Variants in CPLANE1 observed in about 807,000 individuals in gnomAD.
CPLANE1 encodes ciliogenesis and planar polarity effector complex subunit 1.
In CPLANE1, 263 loss-of-function variants were observed where a neutral mutation model predicts 362.5. That is an observed-to-expected ratio of 0.73 (90% confidence interval 0.66 to 0.80). The LOEUF (loss-of-function observed/expected upper bound fraction) is 0.80, where lower values mean the gene tolerates loss of function less well. Ranked by LOEUF, CPLANE1 falls within the 30% of genes least tolerant of loss-of-function variation. The probability of loss-of-function intolerance (pLI) is 0.00; values close to 1 mark genes in which losing one functional copy is unlikely to be tolerated. For missense variants in CPLANE1, 3,461 were observed against 3,793.4 expected (o/e 0.91, Z 2.30); for synonymous variants, 1,212 against 1,302.6 (o/e 0.93, Z 1.50).
chr5:37,187,818 A>G lies in CPLANE1; in HGVS notation c.3836T>C (p.Leu1279Pro). The G allele has an allele frequency of 6.2e-7, 1 of 1,613,268 alleles. No individual in the cohort carries two copies. Among genetic ancestry groups the G allele is most frequent in the Non-Finnish European group, 8.5e-7 (1 of 1,179,522 alleles). Residue 1279 changes from leucine (L) to proline (P), a missense_variant, in exon 22 of 53, where the codon CTG becomes CCG. By Grantham distance (98) the Leu-to-Pro change is moderately conservative (BLOSUM62 -3). This residue lies in a region of CPLANE1 where 3,380 missense variants were observed against 3,666.1 expected (regional missense o/e 0.92). Coordinates refer to ENST00000651892, the MANE Select transcript of CPLANE1 (RefSeq NM_001384732.1). ...ATCACGGACATGCAGCATCCAACAC[A>G]GAGCACAAAGTTCTCTGAAGCAACC... Reference protein sequence around the residue: ...AIGCFRELCALCWMLHVRDKL... With the variant: ...AIGCFRELCAPCWMLHVRDKL...
chr5:37,210,024 T>C, intron 16 of CPLANE1: 1 of 832,452 alleles, frequency 1.2e-6, no homozygotes, highest in Non-Finnish European at 2.0e-6. Context: ...AAAGTTGAAG[T>C]TTTTTAAAGA....
At chr5:37,210,999 T>C (rs186557357) in intron 16 of CPLANE1, 24 of 792,768 alleles carry the variant, frequency 3.0e-5, no homozygotes, top group Admixed American at 1.4e-4. Flanking sequence ...AAAATCGCAA[T>C]TGAAGCAAAC....
At chr5:37,121,915 T>C (rs1762763297) in intron 48 of CPLANE1, 131 bp from the exon 49 acceptor site, 1 of 711,962 alleles carries the variant, frequency 1.4e-6, no homozygotes, top group African/African-American at 1.8e-5. Context: ...GTTTCACTCT[T>C]GTCACCCAGG....
At position 37,187,819 on chromosome 5, in the gene CPLANE1, G is replaced by A. The variant is rs1784469124; in HGVS notation, c.3835C>T (p.Leu1279=). The A allele has an allele frequency of 6.2e-7, 1 of 1,612,904 alleles. No homozygotes were observed. The highest frequency in any genetic ancestry group is 1.1e-5 in the South Asian group (1 of 90,798). Reference sequence around the variant, plus strand: ...TCACGGACATGCAGCATCCAACACAGAGCACAAAGTTCTCTGAAGCAACCT... The same window carrying A: ...TCACGGACATGCAGCATCCAACACAAAGCACAAAGTTCTCTGAAGCAACCT... The part of the protein sequence containing the change: ...AIGCFRELCA[L]CWMLHVRDKL... The change falls in exon 22 of 53, where the codon CTG becomes TTG. Residue 1279 remains leucine (L), a synonymous_variant. Coordinates refer to ENST00000651892, the MANE Select transcript of CPLANE1 (RefSeq NM_001384732.1).
intron 6 of CPLANE1, among the ~76,000 whole-genome samples, chr5:37,241,382 G>A (rs1444453720): frequency 6.6e-6 from 1 of 152,118 alleles, no homozygotes; most frequent in Non-Finnish European, 1.5e-5. Context: ...TTGAACCTGG[G>A]AGGCAGAAGT....
At chr5:37,191,011 A>G (rs1315655849) in intron 21 of CPLANE1, among the ~76,000 whole-genome samples, 1 of 152,202 alleles carries the variant, frequency 6.6e-6, no homozygotes, top group African/African-American at 2.4e-5. Flanking sequence ...AGCCTCAGGC[A>G]GGTCCTTCAG....
In CPLANE1 at chr5:37,127,764, C is replaced by A. The variant is rs563902775; in HGVS notation, c.8793-2355G>T. ...CTCCTGACCTCAGGTGATCCGCCCA[C>A]CTTGGCCTCCCAAAATGCTGGGATT... On this transcript the variant is annotated intron_variant, in intron 46 of 52. Transcript: ENST00000651892. 1.2e-4 allele frequency among the ~76,000 whole-genome samples: 18 copies of A among 152,108 alleles called. No individual in the cohort carries two copies. The South Asian group carries it at 3.7e-3, about 32-fold the overall frequency.
At chr5:37,115,437 TAAC>T (rs776746515) in intron 50 of CPLANE1, among the ~76,000 whole-genome samples, 1 of 152,242 alleles carries the variant, frequency 6.6e-6, no homozygotes, top group Admixed American at 6.5e-5. Context: ...CAAAGATTAA[TAAC>T]AACCATTTAC....
intron 21 of CPLANE1, among the ~76,000 whole-genome samples, chr5:37,194,058 A>C (rs1489764441): frequency 6.6e-6 from 1 of 151,546 alleles, no homozygotes; most frequent in East Asian, 1.9e-4. Flanking sequence ...AGTAGCTGGG[A>C]TTACAGGTGC....
chr5:37,236,305 C>T (rs571674650), intron 8 of CPLANE1, among the ~76,000 whole-genome samples: 165 of 152,044 alleles, frequency 1.1e-3, no homozygotes, highest in Middle Eastern at 3.4e-3. Flanking sequence ...TCAGCAAAGT[C>T]GATAAAAATA....
At chr5:37,201,265 C>G (rs1437023489) in intron 19 of CPLANE1, among the ~76,000 whole-genome samples, 1 of 152,128 alleles carries the variant, frequency 6.6e-6, no homozygotes, top group African/African-American at 2.4e-5. Context: ...ATTAATTGTG[C>G]TATATTGTTA....
intron 8 of CPLANE1, among the ~76,000 whole-genome samples, chr5:37,232,372 G>T (rs1797902009): frequency 6.6e-6 from 1 of 151,964 alleles, no homozygotes; most frequent in Non-Finnish European, 1.5e-5. Flanking sequence ...AAAAAAATTA[G>T]CCAGGCATGG....
At chr5:37,173,396 G>C (rs533364900) in intron 32 of CPLANE1, among the ~76,000 whole-genome samples, 47 of 152,280 alleles carry the variant, frequency 3.1e-4, no homozygotes, top group African/African-American at 1.1e-3. Context: ...AGTAAAAATA[G>C]GTCATTGTGA....
At chr5:37,120,007 A>AT (rs1184879806) in intron 50 of CPLANE1, among the ~76,000 whole-genome samples, 1 of 152,058 alleles carries the variant, frequency 6.6e-6, no homozygotes, top group African/African-American at 2.4e-5. Flanking sequence ...AGAAAAAAAA[A>AT]GCCATTCATT....
At position 37,144,236 on chromosome 5, in the gene CPLANE1, C is replaced by T. The variant is rs192243596; in HGVS notation, c.8462-1756G>A. On this transcript the variant is annotated intron_variant, in intron 43 of 52. Transcript: ENST00000651892. The stretch of plus-strand genomic sequence containing the variant: ...CATCCTGGTTAACACGGTGAAAACC[C>T]GTCTCTACTAAAAATACAAAAAATT... Among the ~76,000 whole-genome samples the T allele has an allele frequency of 1.6e-3, 236 of 148,328 alleles. 5 individuals are homozygous for T. Among genetic ancestry groups the T allele is most frequent in the African/African-American group, 5.4e-3 (215 of 39,600 alleles).
downstream of CPLANE1, among the ~76,000 whole-genome samples, chr5:37,102,876 T>C (rs923574871): frequency 4.6e-5 from 7 of 152,216 alleles, no homozygotes; most frequent in Admixed American, 6.5e-5. Flanking sequence ...TCTGTTGTTT[T>C]GGGATGGAGA....
rs778806312 is a variant in CPLANE1, at chr5:37,184,923, T to C, written c.4346A>G (p.Asp1449Gly). The C allele has an allele frequency of 5.0e-6, 8 of 1,614,006 alleles. No individual in the cohort carries two copies. The highest frequency in any genetic ancestry group is 6.8e-6 in the Non-Finnish European group (8 of 1,179,982). ...CAAACTAGTCCCCAGGGAATATCTG[T>C]CAACACCTGGAGCCTCATCTGGTTT... ...EEKPDEAPGV[D>G]RYSLGTSLSR... Residue 1449 changes from aspartate to glycine, a missense_variant, in exon 25 of 53, where the codon GAC becomes GGC. Asp to Gly is a moderately conservative substitution (Grantham distance 94). Coordinates refer to ENST00000651892, the MANE Select transcript of CPLANE1 (RefSeq NM_001384732.1).
chr5:37,220,111 G>C (rs1327368991), intron 15 of CPLANE1, among the ~76,000 whole-genome samples: 4 of 152,104 alleles, frequency 2.6e-5, no homozygotes, highest in African/African-American at 9.7e-5. Context: ...AATTAGCTGG[G>C]TGTGGTGGCA....
At chr5:37,196,809 C>A (rs551687510) in intron 20 of CPLANE1, among the ~76,000 whole-genome samples, 2 of 152,124 alleles carry the variant, frequency 1.3e-5, no homozygotes, top group South Asian at 4.2e-4. Context: ...CCTGTAGTCC[C>A]AGGTACTCAG....
Sources: gnomAD v4.1 joint callset for allele counts (sites outside exome capture counted in the v4.1 genomes callset) on GRCh38, gnomAD v4.1.1 for gene constraint, gnomAD v4.1.1 regional missense constraint, MANE v1.5 for transcripts, NCBI Gene and HGNC (gene_info 2026-07-23, HGNC 2026-07-21) for gene names.